The following ATAD3B variants were observed in gnomAD, a reference collection of about 807,000 sequenced individuals.
ATAD3B encodes the protein ATPase family AAA domain-containing protein 3B.
In ATAD3B, 59 loss-of-function variants were observed where a neutral mutation model predicts 70.2. The ratio of observed to expected loss-of-function variants is 0.84; its 90% CI spans 0.68 to 1.04. The LOEUF (loss-of-function observed/expected upper bound fraction) is 1.04, where lower values mean the gene tolerates loss of function less well. Ranked by LOEUF, ATAD3B falls within the 50% of genes least tolerant of loss-of-function variation. The probability of loss-of-function intolerance (pLI) is 0.00; values close to 1 mark genes in which losing one functional copy is unlikely to be tolerated. For synonymous variants in ATAD3B, 423 were observed against 388.6 expected, an observed-to-expected ratio of 1.09 and a Z score of -1.04; for missense variants, 961 against 913.4, an observed-to-expected ratio of 1.05 and a Z score of -0.67.
At chr1:1,501,789 A>T (rs1640951183), downstream of ATAD3B, among the ~76,000 whole-genome samples, 1 of 152,194 alleles carries the variant, frequency 6.6e-6, no homozygotes, top group Non-Finnish European at 1.5e-5. Flanking sequence ...CCCGTAATGC[A>T]CTACGGCAGT....
intron 8 of ATAD3B, 68 bp from the exon 9 acceptor site, chr1:1,485,714 T>C: frequency 6.2e-7 from 1 of 1,601,306 alleles, no homozygotes; most frequent in Non-Finnish European, 8.5e-7. Context: ...CGAGCATGTG[T>C]GTGCGTTGGT....
chr1:1,499,250 C>T (rs1178453157), downstream of ATAD3B, among the ~76,000 whole-genome samples: 1 of 147,182 alleles, frequency 6.8e-6, no homozygotes, highest in East Asian at 2.1e-4. Context: ...GGATTACAGG[C>T]GTGAGCCAGT....
chr1:1,490,897 G>A (rs1259957550), intron 15 of ATAD3B, among the ~76,000 whole-genome samples: 1 of 152,082 alleles, frequency 6.6e-6, no homozygotes, highest in African/African-American at 2.4e-5. Flanking sequence ...GTTGCTGACA[G>A]TCACACGGGG....
At chr1:1,484,744 GGC>G in intron 7 of ATAD3B, 1 of 841,198 alleles carries the variant, frequency 1.2e-6, no homozygotes, top group Admixed American at 3.2e-5. Flanking sequence ...GTCTGCCCAG[GGC>G]CCCGCTCAGC....
intron 1 of ATAD3B, among the ~76,000 whole-genome samples, chr1:1,473,030 G>C (rs868078967): frequency 2.7e-5 from 4 of 149,048 alleles, no homozygotes; most frequent in Middle Eastern, 7.1e-3. Flanking sequence ...TCACCATGTT[G>C]GCCAGGGTGC....
At chr1:1,485,486 G>A (rs370961407) in intron 8 of ATAD3B, among the ~76,000 whole-genome samples, 2 of 152,128 alleles carry the variant, frequency 1.3e-5, no homozygotes, top group Non-Finnish European at 2.9e-5. Flanking sequence ...AGGCCATGGC[G>A]TCTGGTGGCC....
intron 2 of ATAD3B, 143 bp downstream of exon 2, chr1:1,477,493 T>A: frequency 7.1e-7 from 1 of 1,407,054 alleles, no homozygotes. Context: ...GGCGCCTCAT[T>A]TCACAGAGGG....
At chr1:1,492,210 A>G (rs1292128585) in intron 15 of ATAD3B, among the ~76,000 whole-genome samples, 1 of 151,806 alleles carries the variant, frequency 6.6e-6, no homozygotes, top group Non-Finnish European at 1.5e-5. Flanking sequence ...ATTTGGAACA[A>G]GCCCGGTGGC....
chr1:1,473,881 A>T lies in ATAD3B; in HGVS notation c.205+1792A>T, dbSNP rs536848980. 2.0e-5 allele frequency among the ~76,000 whole-genome samples: 3 copies of T among 152,112 alleles called. No homozygotes were observed. The East Asian group carries it at 5.8e-4, about 29-fold the overall frequency. ...ACAGAGTTTCCCTGTTTAAGGAGGG[A>T]TGGCCTGGTGGTACTTGTGGTTCCA... On this transcript the variant is annotated intron_variant, in intron 1 of 15. Coordinates refer to ENST00000673477, the MANE Select transcript of ATAD3B (RefSeq NM_031921.6).
the ATAD3B span, among the ~76,000 whole-genome samples, chr1:1,505,477 G>C: frequency 6.6e-6 from 1 of 152,194 alleles, no homozygotes; most frequent in Non-Finnish European, 1.5e-5. Flanking sequence ...CCCTCCACAA[G>C]AGGTGGAGGA....
chr1:1,490,198 G>GC, intron 13 of ATAD3B, 59 bp from the exon 14 acceptor site: 1 of 1,584,676 alleles, frequency 6.3e-7, no homozygotes, highest in Non-Finnish European at 8.6e-7. Flanking sequence ...AGCCCCCGTT[G>GC]CCCTCGGGGC....
intron 8 of ATAD3B, among the ~76,000 whole-genome samples, chr1:1,485,501 TG>T (rs917636031): frequency 2.0e-5 from 3 of 152,060 alleles, no homozygotes; most frequent in Non-Finnish European, 2.9e-5. Context: ...GTGGCCTCCC[TG>T]GGGAGCCGCG....
intron 15 of ATAD3B, among the ~76,000 whole-genome samples, chr1:1,492,072 G>C (rs1471555300): frequency 6.6e-6 from 1 of 152,034 alleles, no homozygotes; most frequent in African/African-American, 2.4e-5. Context: ...TGTAATGCCA[G>C]CTGCTTGGGA....
Position 1,480,851 on chromosome 1 carries a change from T to A in ATAD3B, c.445-16T>A, listed in dbSNP as rs1639873619. 6.3e-7 allele frequency: 1 copy of A among 1,593,666 alleles called. No individual in the cohort carries two copies. Among genetic ancestry groups the A allele is most frequent in the South Asian group, 1.1e-5 (1 of 89,646 alleles). On this transcript the variant is annotated splice_polypyrimidine_tract_variant and intron_variant, in intron 4 of 15. Transcript: ENST00000673477. ...GGTTTTAAAGGCTTTTCTCTTTTTC[T>A]GCGGCTTCTTCTCAGCAACTTCTCA... is the stretch of plus-strand genomic sequence containing the variant.
chr1:1,481,857 T>TG (rs1385999061), intron 5 of ATAD3B, among the ~76,000 whole-genome samples: 2 of 152,176 alleles, frequency 1.3e-5, no homozygotes, highest in Non-Finnish European at 2.9e-5. Context: ...GTCCATGGAC[T>TG]GGGCTTGTCC....
At position 1,496,248 on chromosome 1, in the gene ATAD3B, C is replaced by T. The variant is rs981781999; in HGVS notation, c.*431C>T. 3.1e-5 allele frequency: 31 copies of T among 995,542 alleles called. No homozygotes were observed. The highest frequency in any genetic ancestry group is 1.2e-4 in the African/African-American group (7 of 57,600). 61.7% of individuals were successfully genotyped at this position (995,542 alleles called of 1,614,324 possible). ...CTGACACTGCTCGGGGTTTCAGGGGCGCCCTAGCGTCCTCCTGGGGTCAAA... is the reference window on the plus strand; with the variant it reads ...CTGACACTGCTCGGGGTTTCAGGGGTGCCCTAGCGTCCTCCTGGGGTCAAA... On this transcript the variant is annotated 3_prime_UTR_variant, in exon 16 of 16. Coordinates refer to ENST00000673477, the MANE Select transcript of ATAD3B (RefSeq NM_031921.6).
downstream of ATAD3B, among the ~76,000 whole-genome samples, chr1:1,502,821 A>G (rs1640974789): frequency 6.6e-6 from 1 of 151,320 alleles, no homozygotes; most frequent in Non-Finnish European, 1.5e-5. Context: ...CTACACTGAT[A>G]ACTTATAGCA....
At position 1,487,825 on chromosome 1, in the gene ATAD3B, G is replaced by A. The variant is rs369873036; in HGVS notation, c.1215-38G>A. 1.7e-5 allele frequency: 28 copies of A among 1,609,772 alleles called. 1 individual carries two copies. In the African/African-American group the frequency reaches 2.4e-4, roughly 14 times the overall value. On this transcript the variant is annotated intron_variant, in intron 11 of 15. Transcript: ENST00000673477. ...GACGCTGCTGTGGGCTGCTCCTGGC[G>A]TCACTCTCGCCTTGCTTGGCCTCTC...
At chr1:1,502,991 G>A in the ATAD3B span, among the ~76,000 whole-genome samples, 192 of 151,216 alleles carry the variant, frequency 1.3e-3, no homozygotes, top group Non-Finnish European at 2.4e-3. Flanking sequence ...TTGGGAGGCC[G>A]AGGCAGGTGA....
Sources: allele counts gnomAD v4.1 joint callset (sites outside exome capture counted in the v4.1 genomes callset), GRCh38; gene constraint gnomAD v4.1.1; transcripts MANE v1.5; gene names NCBI Gene and HGNC (gene_info 2026-07-23, HGNC 2026-07-21).